The following LRRFIP2 variants were observed in gnomAD, a reference collection of about 807,000 sequenced individuals.
LRRFIP2 encodes LRR binding FLII interacting protein 2.
In LRRFIP2, 109 loss-of-function variants were observed where a neutral mutation model predicts 125.9. The ratio of observed to expected loss-of-function variants is 0.87; its 90% CI spans 0.74 to 1.01. LRRFIP2 has a LOEUF of 1.01. Among genes scored for constraint, LRRFIP2 ranks in the 50% least tolerant of loss-of-function variants. LRRFIP2 has a pLI of 0.00. For synonymous variants in LRRFIP2, 291 were observed against 293.1 expected (o/e 0.99, Z 0.07); for missense variants, 850 against 862.3 (o/e 0.99, Z 0.18).
At chr3:37,107,639 A>C (rs147765816) in intron 13 of LRRFIP2, among the ~76,000 whole-genome samples, 18 of 152,260 alleles carry the variant, frequency 1.2e-4, no homozygotes, top group East Asian at 5.8e-4. Context: ...TTCGTATAAC[A>C]ATTTTTTTTA....
upstream of LRRFIP2, chr3:37,176,249 G>C (rs1260094882): frequency 6.6e-6 from 1 of 152,324 alleles, no homozygotes; most frequent in African/African-American, 2.4e-5. Flanking sequence ...CGGTCAGGCC[G>C]ATGTGCCCTC....
chr3:37,165,784 A>G (rs2096465388), intron 1 of LRRFIP2, among the ~76,000 whole-genome samples: 1 of 137,376 alleles, frequency 7.3e-6, no homozygotes, highest in Non-Finnish European at 1.5e-5. Context: ...AGAAAAGAAA[A>G]GAGAAAGAAA....
At chr3:37,061,535 C>T (rs919321293) in intron 24 of LRRFIP2, among the ~76,000 whole-genome samples, 1 of 151,722 alleles carries the variant, frequency 6.6e-6, no homozygotes, top group Non-Finnish European at 1.5e-5. Flanking sequence ...GGACTACAGG[C>T]ACCCACCACC....
chr3:37,124,935 G>A (rs2095219134), intron 4 of LRRFIP2, among the ~76,000 whole-genome samples: 1 of 152,000 alleles, frequency 6.6e-6, no homozygotes. Flanking sequence ...TTAGGTGCCA[G>A]TTACAAGGTG....
At chr3:37,085,600 G>A (rs772485429) in intron 18 of LRRFIP2, among the ~76,000 whole-genome samples, 16 of 142,712 alleles carry the variant, frequency 1.1e-4, no homozygotes, top group Non-Finnish European at 2.1e-4. Context: ...TTTTTTTTTC[G>A]AGATGGAGTC....
At position 37,166,339 on chromosome 3, in the gene LRRFIP2, CATAAA is replaced by C. The variant is rs555012150; in HGVS notation, c.-56+8195_-56+8199del. 4.7e-5 allele frequency among the ~76,000 whole-genome samples: 7 copies of C among 149,556 alleles called. No homozygotes were observed. In the East Asian group the frequency reaches 5.8e-4, roughly 12 times the overall value. ...AAGACTCCATCTTAAAATAACATAA[CATAAA>C]ATAAAATAAAATAAAATAAAAACAA... On this transcript the variant is annotated intron_variant, in intron 1 of 27. Transcript: ENST00000336686.
rs2088313488 is a variant in LRRFIP2 at position 37,060,548 on chromosome 3, C to A, written c.1750-1638G>T. Among the ~76,000 whole-genome samples, 1 of 151,966 alleles carries A rather than the reference C, an allele frequency of 6.6e-6. No homozygotes were observed. The highest frequency in any genetic ancestry group is 2.4e-5 in the African/African-American group (1 of 41,388). On this transcript the variant is annotated intron_variant, in intron 24 of 27. Transcript: ENST00000336686. This position sits in a 1 kb window ranked among gnomAD's most constrained non-coding sequence, Gnocchi z 4.1. ...GAACTCCTGACCTCAAGTCATCCAC[C>A]CACCTTGGCCTCCCCAAGTGCTGGG... is the stretch of plus-strand genomic sequence containing the variant.
At chr3:37,142,105 T>C (rs2095717212) in intron 2 of LRRFIP2, among the ~76,000 whole-genome samples, 1 of 152,082 alleles carries the variant, frequency 6.6e-6, no homozygotes, top group African/African-American at 2.4e-5. Flanking sequence ...CATAGTTTCT[T>C]TGTATTTCTC....
In LRRFIP2 at chr3:37,094,917, A is replaced by C; in HGVS notation, c.919-9T>G. ...GAATTTCGAGATGAAGGCTAGAAAGAGAAATATGACCCTTCTAAGTCTCAT... is the reference window on the plus strand; with the variant it reads ...GAATTTCGAGATGAAGGCTAGAAAGCGAAATATGACCCTTCTAAGTCTCAT... On this transcript the variant is annotated splice_polypyrimidine_tract_variant and intron_variant, in intron 16 of 27. Coordinates refer to ENST00000336686, the MANE Select transcript of LRRFIP2 (RefSeq NM_006309.4). The C allele has an allele frequency of 6.7e-7, 1 of 1,488,090 alleles. No individual in the cohort carries two copies. 92.2% of individuals were successfully genotyped at this position (1,488,090 alleles called of 1,614,324 possible).
At chr3:37,131,761 T>C (rs1401848323) in intron 2 of LRRFIP2, among the ~76,000 whole-genome samples, 1 of 152,218 alleles carries the variant, frequency 6.6e-6, no homozygotes. Flanking sequence ...ATCTCTGCCC[T>C]AAAGCAGCTC....
intron 8 of LRRFIP2, among the ~76,000 whole-genome samples, chr3:37,112,624 G>A (rs919926447): frequency 2.7e-4 from 41 of 152,128 alleles, no homozygotes; most frequent in African/African-American, 9.7e-4. Context: ...AAATAAGGAT[G>A]AGAATCTTAC....
intron 1 of LRRFIP2, among the ~76,000 whole-genome samples, chr3:37,150,505 A>G (rs545323745): frequency 1.9e-4 from 29 of 152,160 alleles, no homozygotes; most frequent in African/African-American, 6.7e-4. Context: ...TGTTACTATT[A>G]CTTATTAGAC....
chr3:37,096,610 A>T lies in LRRFIP2; in HGVS notation c.918+6T>A. 1 of 1,531,122 alleles carries T rather than the reference A, an allele frequency of 6.5e-7. No individual in the cohort carries two copies. The highest frequency in any genetic ancestry group is 9.0e-7 in the Non-Finnish European group (1 of 1,114,988). 94.8% of individuals were successfully genotyped at this position (1,531,122 alleles called of 1,614,324 possible). On this transcript the variant is annotated splice_donor_region_variant and intron_variant, in intron 16 of 27. Transcript: ENST00000336686. ...GAGAATTTCCCTTAGGAATTTACATACTCACTCTTGTATAATTTTCAGCAT... is the reference window on the plus strand; with the variant it reads ...GAGAATTTCCCTTAGGAATTTACATTCTCACTCTTGTATAATTTTCAGCAT...
intron 21 of LRRFIP2, among the ~76,000 whole-genome samples, chr3:37,069,482 T>A (rs2090770200): frequency 6.6e-6 from 1 of 152,186 alleles, no homozygotes; most frequent in Non-Finnish European, 1.5e-5. Flanking sequence ...ATGATTCCAC[T>A]TACATGAAGT....
chr3:37,056,783 A>G lies in LRRFIP2; in HGVS notation c.1871-1618T>C, dbSNP rs191369205. 2.7e-4 allele frequency among the ~76,000 whole-genome samples: 41 copies of G among 152,304 alleles called. 1 individual carries two copies. The highest frequency in any genetic ancestry group is 7.8e-4 in the Admixed American group (12 of 15,298). On this transcript the variant is annotated intron_variant, in intron 25 of 27. Transcript: ENST00000336686. ...AAAGGAACAGGGTTACCATCTCCCC[A>G]AAAGCCATATCTGGTAGTGAAAGAG...
At chr3:37,140,625 T>A (rs2095671279) in intron 2 of LRRFIP2, among the ~76,000 whole-genome samples, 1 of 148,872 alleles carries the variant, frequency 6.7e-6, no homozygotes, top group Non-Finnish European at 1.5e-5. Context: ...AGTGCTCTAA[T>A]CTGGGAGACA....
At chr3:37,086,772 A>G (rs2093075357) in intron 18 of LRRFIP2, among the ~76,000 whole-genome samples, 1 of 152,208 alleles carries the variant, frequency 6.6e-6, no homozygotes, top group African/African-American at 2.4e-5. Flanking sequence ...GAGTATGCTA[A>G]AAACTACTGA....
At chr3:37,132,186 T>A (rs1279103994) in intron 2 of LRRFIP2, among the ~76,000 whole-genome samples, 1 of 152,144 alleles carries the variant, frequency 6.6e-6, no homozygotes, top group East Asian at 1.9e-4. Context: ...CTTAAGTAGA[T>A]AGCAAATGTA....
In LRRFIP2 at chr3:37,066,274, T is replaced by A. The variant is rs754654510; in HGVS notation, c.1516A>T (p.Met506Leu). The A allele has an allele frequency of 6.2e-7, 1 of 1,614,084 alleles. No individual in the cohort carries two copies. The highest frequency in any genetic ancestry group is 1.7e-5 in the Admixed American group (1 of 60,006). Residue 506 changes from methionine to leucine, a missense_variant, in exon 22 of 28, where the codon ATG becomes TTG. Physicochemically the swap from Met to Leu is conservative, Grantham distance 15. Transcript: ENST00000336686. ...AGGTCAGCCAGCTCCTCTCTGAGCA[T>A]ATCTCGCTCATTCCTAAGGCAGGCA... ...YIACLRNERD[M>L]LREELADLQE... is the part of the protein sequence containing the mutation.
Sources: gnomAD v4.1 joint callset for allele counts (sites outside exome capture counted in the v4.1 genomes callset) on GRCh38, gnomAD v4.1.1 for gene constraint, Gnocchi (gnomAD v3.1) non-coding constraint, MANE v1.5 for transcripts, NCBI Gene and HGNC (gene_info 2026-07-23, HGNC 2026-07-21) for gene names.